The following C6orf118 variants were observed in gnomAD, a reference collection of about 807,000 sequenced individuals.
C6orf118 encodes the protein uncharacterized protein C6orf118.
C6orf118 carries 50 observed loss-of-function variants against 50.2 expected under a neutral mutation model. That is an observed-to-expected ratio of 1.00 (90% CI 0.79 to 1.26). The LOEUF is 1.26. C6orf118 is among the 50% of genes most tolerant of loss of function. The pLI is 0.00. For synonymous variants in C6orf118, 239 were observed against 230.9 expected (o/e 1.03, Z -0.32); for missense variants, 641 against 578.7 (o/e 1.11, Z -1.10).
rs962532453 is a variant in C6orf118 at position 165,300,259 on chromosome 6, G to A, written c.876+105C>T. ...GTGATGGTCCCTGTCTGTAGAAGGG[G>A]GCCTGTGATACCTAGCAGAATTTCA... On this transcript the variant is annotated intron_variant, in intron 3 of 8. Transcript: ENST00000230301. 4.5e-6 allele frequency: 6 copies of A among 1,340,712 alleles called. No homozygotes were observed. The African/African-American group carries it at 5.9e-5, about 13-fold the overall frequency. The allele number at this position is 1,340,712 out of a possible 1,614,324, so 83.1% of individuals were successfully genotyped here. A position where few individuals can be genotyped will look rare whatever the true frequency, so the allele number is the denominator to read the frequency against.
At chr6:165,299,561 T>G in intron 3 of C6orf118, 59 bp from the exon 4 acceptor site, 1 of 1,295,650 alleles carries the variant, frequency 7.7e-7, no homozygotes, top group Non-Finnish European at 1.1e-6. Flanking sequence ...AGTGCAGGTG[T>G]TTCACGTGTA....
intron 7 of C6orf118, among the ~76,000 whole-genome samples, chr6:165,284,103 T>G (rs1381732062): frequency 6.6e-6 from 1 of 152,110 alleles, no homozygotes. Flanking sequence ...GGAGCTGTTA[T>G]CCAGAATAAT....
At chr6:165,299,421 G>T (rs1013934704) in intron 4 of C6orf118, 22 bp downstream of exon 4, 1 of 1,611,300 alleles carries the variant, frequency 6.2e-7, no homozygotes. Flanking sequence ...CTCTATTCAG[G>T]CTCTTTGTGA....
chr6:165,298,715 G>C (rs1052827954), intron 4 of C6orf118, among the ~76,000 whole-genome samples: 1 of 152,170 alleles, frequency 6.6e-6, no homozygotes, highest in Non-Finnish European at 1.5e-5. Context: ...TTCTTGTGAA[G>C]ACAAAGGCTG....
rs112058456 is a variant in C6orf118 at position 165,299,950 on chromosome 6, C to T, written c.876+414G>A. ...CTGCCTGCATCAGCCTCTCAAAGTG[C>T]TAGGATTACAGGCATGAGCCACAGC... On this transcript the variant is annotated intron_variant, in intron 3 of 8. Transcript: ENST00000230301. Among the ~76,000 whole-genome samples the T allele has an allele frequency of 6.8e-4, 104 of 152,262 alleles. 1 individual carries two copies. Among genetic ancestry groups the T allele is most frequent in the African/African-American group, 2.3e-3 (97 of 41,536 alleles).
chr6:165,292,292 A>T (rs1007453422), intron 6 of C6orf118, among the ~76,000 whole-genome samples: 3 of 152,182 alleles, frequency 2.0e-5, no homozygotes, highest in African/African-American at 4.8e-5. Context: ...TTGGAGGAGC[A>T]GGCTCCTGAG....
chr6:165,297,968 A>G lies in C6orf118; in HGVS notation c.1061+9T>C, dbSNP rs747333906. ...TAAACATAGATCAGATCCGTCCCTC[A>G]TGCCTCACCTATCATTCTGCTCCAG... On this transcript the variant is annotated intron_variant, in intron 5 of 8. Transcript: ENST00000230301. The G allele has an allele frequency of 1.2e-6, 2 of 1,613,732 alleles. No individual in the cohort carries two copies. Among genetic ancestry groups the G allele is most frequent in the Non-Finnish European group, 1.7e-6 (2 of 1,180,024 alleles).
Position 165,280,027 on chromosome 6 carries a change from C to T in C6orf118, c.*30G>A, listed in dbSNP as rs368636630. On this transcript the variant is annotated 3_prime_UTR_variant, in exon 9 of 9. Coordinates refer to ENST00000230301, the MANE Select transcript of C6orf118 (RefSeq NM_144980.4). ...CTACATACATGGAAGTTAAGAATTT[C>T]CACTGGCCATTTGTTCAGCCACTTG... 1 of 1,590,042 alleles carries T rather than the reference C, an allele frequency of 6.3e-7. No individual in the cohort carries two copies. Among genetic ancestry groups the T allele is most frequent in the Admixed American group, 1.9e-5 (1 of 52,718 alleles).
intron 7 of C6orf118, among the ~76,000 whole-genome samples, chr6:165,289,106 A>C (rs909126835): frequency 2.0e-5 from 3 of 151,842 alleles, no homozygotes; most frequent in Non-Finnish European, 4.4e-5. Context: ...CAGGGGTCAA[A>C]AAACTAATCC....
In C6orf118 at chr6:165,301,701, G is replaced by T. The variant is rs369703297; in HGVS notation, c.621C>A (p.Ala207=). The T allele has an allele frequency of 6.2e-7, 1 of 1,614,122 alleles. No homozygotes were observed. The highest frequency in any genetic ancestry group is 2.2e-5 in the East Asian group (1 of 44,880). ...TGTACCTGTCTGCGCTGGTGGCTCC[G>T]GCCAGGTAGGAGCTGACATAGTGGT... ...DRHHYVSSYL[A]GATSADRYRM... The change falls in exon 2 of 9, where the codon GCC becomes GCA. Residue 207 remains alanine (A), a synonymous_variant. Coordinates refer to ENST00000230301, the MANE Select transcript of C6orf118 (RefSeq NM_144980.4).
In C6orf118 at chr6:165,301,619, C is replaced by A; in HGVS notation, c.703G>T (p.Asp235Tyr). 1 of 1,614,058 alleles carries A rather than the reference C, an allele frequency of 6.2e-7. No homozygotes were observed. ...VLAKQDLLKN[D>Y]FTGSKAAAGH... ...GCGGCCGCCTTGCTCCCAGTGAAGTCATTCTTCAGGAGATCTTGCTTGGCG... is the reference window on the plus strand; with the variant it reads ...GCGGCCGCCTTGCTCCCAGTGAAGTAATTCTTCAGGAGATCTTGCTTGGCG... The change falls in exon 2 of 9, where the codon GAC becomes TAC. Residue 235 changes from aspartate to tyrosine, a missense_variant. Asp to Tyr is a radical substitution (Grantham distance 160). Coordinates refer to ENST00000230301, the MANE Select transcript of C6orf118 (RefSeq NM_144980.4).
chr6:165,289,452 T>C lies in C6orf118; in HGVS notation c.1302+434A>G, dbSNP rs182690193. Reference sequence around the variant, plus strand: ...TTCTGTTTTTAAATTTTTTAACTTTTATGGATTTAGGGGTATGAGTGCAGT... The same window carrying C: ...TTCTGTTTTTAAATTTTTTAACTTTCATGGATTTAGGGGTATGAGTGCAGT... On this transcript the variant is annotated intron_variant, in intron 7 of 8. Coordinates refer to ENST00000230301, the MANE Select transcript of C6orf118 (RefSeq NM_144980.4). Among the ~76,000 whole-genome samples, 225 of 152,308 alleles carry C rather than the reference T, an allele frequency of 1.5e-3. 1 individual carries two copies. The highest frequency in any genetic ancestry group is 1.9e-3 in the Non-Finnish European group (132 of 68,022).
chr6:165,283,176 T>A (rs867566966), intron 7 of C6orf118, among the ~76,000 whole-genome samples: 3 of 150,844 alleles, frequency 2.0e-5, no homozygotes, highest in Non-Finnish European at 3.0e-5. Flanking sequence ...GACTAGGGGG[T>A]TGGCACGACC....
At chr6:165,290,603 C>A (rs1436725194) in intron 6 of C6orf118, among the ~76,000 whole-genome samples, 3 of 152,108 alleles carry the variant, frequency 2.0e-5, no homozygotes, top group Non-Finnish European at 4.4e-5. Flanking sequence ...GGGGGCAGAT[C>A]TGAGAAGATT....
chr6:165,300,544 G>A (rs1320528291), intron 2 of C6orf118, 58 bp from the exon 3 acceptor site: 6 of 1,546,232 alleles, frequency 3.9e-6, no homozygotes, highest in African/African-American at 2.8e-5. Context: ...TTCCAGAACC[G>A]AATTTCTCAG....
intron 1 of C6orf118, among the ~76,000 whole-genome samples, chr6:165,305,790 G>T (rs1419185454): frequency 8.6e-6 from 1 of 116,872 alleles, no homozygotes; most frequent in East Asian, 2.1e-4. Context: ...TCTCACACCA[G>T]TTAGAAAGGC....
intron 1 of C6orf118, among the ~76,000 whole-genome samples, chr6:165,305,775 TATC>T (rs1353396939): frequency 8.4e-6 from 1 of 119,152 alleles, no homozygotes; most frequent in Non-Finnish European, 1.6e-5. Context: ...CACTATGAGA[TATC>T]ATCTCACACC....
At chr6:165,291,869 G>A (rs949396033) in intron 6 of C6orf118, among the ~76,000 whole-genome samples, 1 of 152,096 alleles carries the variant, frequency 6.6e-6, no homozygotes, top group African/African-American at 2.4e-5. Context: ...ACTACTTTTC[G>A]ATGGGAACAA....
intron 5 of C6orf118, among the ~76,000 whole-genome samples, chr6:165,297,443 T>C (rs2128161246): frequency 6.7e-6 from 1 of 149,802 alleles, no homozygotes; most frequent in South Asian, 2.2e-4. Context: ...GAACAACAAA[T>C]ACAACAGTTC....
Sources: allele counts gnomAD v4.1 joint callset (sites outside exome capture counted in the v4.1 genomes callset), GRCh38; gene constraint gnomAD v4.1.1; transcripts MANE v1.5; gene names NCBI Gene and HGNC (gene_info 2026-07-23, HGNC 2026-07-21).